The following HECW1 variants were observed in gnomAD, a reference collection of about 807,000 sequenced individuals.
HECW1 encodes the protein HECT, C2 and WW domain containing E3 ubiquitin protein ligase 1, also known as E3 ubiquitin-protein ligase HECW1.
A neutral mutation model predicts 182.3 loss-of-function variants in HECW1; 61 were observed. That is an observed-to-expected ratio of 0.33 (90% CI 0.27 to 0.41). The LOEUF is 0.41. HECW1 is among the 10% of genes least tolerant of loss of function. HECW1 has a pLI of 1.00. For synonymous variants in HECW1, 859 were observed against 832.6 expected (o/e 1.03, Z -0.55); for missense variants, 1,739 against 2,108.9 (o/e 0.82, Z 3.44).
intron 8 of HECW1, among the ~76,000 whole-genome samples, chr7:43,436,672 T>A (rs948019175): frequency 1.3e-5 from 2 of 152,178 alleles, no homozygotes; most frequent in Admixed American, 6.5e-5. Context: ...TTTTGTGATT[T>A]TTCAGTTACT....
intron 3 of HECW1, among the ~76,000 whole-genome samples, chr7:43,308,184 TTATAA>T (rs1419420084): frequency 1.9e-5 from 2 of 104,794 alleles, no homozygotes; most frequent in East Asian, 4.5e-4. Flanking sequence ...TTTTTATATA[TTATAA>T]TATATTTATA....
chr7:43,550,403 G>T, intron 26 of HECW1, 42 bp from the exon 27 acceptor site: 1 of 1,611,396 alleles, frequency 6.2e-7, no homozygotes, highest in Non-Finnish European at 8.5e-7. Context: ...TGAGAGATAA[G>T]CAGAACTGAC....
At chr7:43,513,429 T>C (rs147801516) in intron 24 of HECW1, among the ~76,000 whole-genome samples, 218 of 152,306 alleles carry the variant, frequency 1.4e-3, no homozygotes, top group Middle Eastern at 6.8e-3. Context: ...CCCCTGACAG[T>C]GTGTCCTTCC....
At chr7:43,185,358 T>G (rs974577652) in intron 2 of HECW1, among the ~76,000 whole-genome samples, 4 of 152,234 alleles carry the variant, frequency 2.6e-5, no homozygotes, top group Admixed American at 6.5e-5. Context: ...CACTGAGTTC[T>G]GTAAGCTCCT....
intron 6 of HECW1, among the ~76,000 whole-genome samples, chr7:43,393,762 G>T (rs913146903): frequency 6.6e-6 from 1 of 151,776 alleles, no homozygotes; most frequent in Admixed American, 6.6e-5. Context: ...GCCAGCAGAG[G>T]AGTATTTAAA....
chr7:43,153,400 C>T (rs921838086), intron 2 of HECW1, among the ~76,000 whole-genome samples: 3 of 152,158 alleles, frequency 2.0e-5, no homozygotes, highest in African/African-American at 7.2e-5. Context: ...AGTGTCTCCC[C>T]CTACAAAAAG....
chr7:43,332,168 G>T (rs1811580308), intron 5 of HECW1, among the ~76,000 whole-genome samples: 1 of 152,174 alleles, frequency 6.6e-6, no homozygotes, highest in Non-Finnish European at 1.5e-5. Context: ...CATCTACACA[G>T]ATGTGGTACA....
intron 3 of HECW1, among the ~76,000 whole-genome samples, chr7:43,295,965 C>T (rs17172193): frequency 0.047 from 7,183 of 152,016 alleles, 207 homozygotes; most frequent in African/African-American, 0.075. Context: ...TTTCATTGGC[C>T]CATGGTCATG....
At chr7:43,524,005 C>G (rs2080648136) in intron 24 of HECW1, among the ~76,000 whole-genome samples, 1 of 147,146 alleles carries the variant, frequency 6.8e-6, no homozygotes, top group Non-Finnish European at 1.5e-5. Flanking sequence ...TGTTTTTCAT[C>G]TTAAAAAAAA....
intron 2 of HECW1, among the ~76,000 whole-genome samples, chr7:43,206,863 CT>C (rs1489286187): frequency 3.3e-5 from 5 of 152,174 alleles, no homozygotes; most frequent in Non-Finnish European, 7.3e-5. Context: ...ATGAAAAACT[CT>C]CTCGGTCTTT....
At chr7:43,216,716 G>A (rs892563523) in intron 2 of HECW1, among the ~76,000 whole-genome samples, 12 of 151,570 alleles carry the variant, frequency 7.9e-5, no homozygotes, top group African/African-American at 2.4e-4. Flanking sequence ...GTACAGTGAC[G>A]TGAACTCAGC....
At chr7:43,253,813 C>T (rs1026652564) in intron 3 of HECW1, among the ~76,000 whole-genome samples, 1 of 151,986 alleles carries the variant, frequency 6.6e-6, no homozygotes, top group Non-Finnish European at 1.5e-5. Flanking sequence ...GAAGCTGAGG[C>T]AGAAGAGTCG....
At chr7:43,405,999 C>T (rs116617760) in intron 7 of HECW1, among the ~76,000 whole-genome samples, 64 of 152,308 alleles carry the variant, frequency 4.2e-4, no homozygotes, top group African/African-American at 1.5e-3. Context: ...CCCAGTCTTG[C>T]GCATGCCTCC....
chr7:43,342,069 T>C (rs1168637258), intron 5 of HECW1, among the ~76,000 whole-genome samples: 2 of 151,902 alleles, frequency 1.3e-5, no homozygotes, highest in Non-Finnish European at 2.9e-5. Flanking sequence ...AGGACAAGTA[T>C]GTATAAAAGA....
Position 43,444,952 on chromosome 7 carries a change from T to A in HECW1, c.1780T>A (p.Ser594Thr). 6.3e-7 allele frequency: 1 copy of A among 1,575,762 alleles called. No homozygotes were observed. Among genetic ancestry groups the A allele is most frequent in the Non-Finnish European group, 8.6e-7 (1 of 1,159,656 alleles). Residue 594 changes from serine to threonine, a missense_variant, in exon 11 of 30, where the codon TCC (serine) becomes ACC (threonine). Ser to Thr is a moderately conservative substitution (Grantham distance 58). Around this residue, in one of 5 missense-constraint regions of HECW1, gnomAD observed 971 missense variants for 1,029.1 expected, o/e 0.94. Transcript: ENST00000395891. The surrounding 1 kb of genome is among the most constrained non-coding windows in gnomAD (Gnocchi z 4.3). ...GAEEESTLKD[S>T]SEKDGLSEVD... ...GGAGGAGGAGTCCACCCTCAAGGAC[T>A]CCTCGGAGAAGGATGGGCTCAGCGA...
chr7:43,382,332 A>G (rs1414972633), intron 6 of HECW1, among the ~76,000 whole-genome samples: 1 of 152,034 alleles, frequency 6.6e-6, no homozygotes, highest in African/African-American at 2.4e-5. Context: ...AGGACTGTGG[A>G]AAGTGTGTCT....
intron 24 of HECW1, among the ~76,000 whole-genome samples, chr7:43,536,912 A>G (rs896845859): frequency 2.0e-5 from 3 of 152,224 alleles, no homozygotes; most frequent in Non-Finnish European, 4.4e-5. Flanking sequence ...CAGGCCAGGA[A>G]AAAGCACAGA....
chr7:43,194,266 T>C (rs1326977097), intron 2 of HECW1, among the ~76,000 whole-genome samples: 1 of 152,118 alleles, frequency 6.6e-6, no homozygotes, highest in Admixed American at 6.6e-5. Flanking sequence ...CCATGGTAAT[T>C]TCTGTATTTA....
chr7:43,549,221 T>C (rs2081696734), intron 26 of HECW1, among the ~76,000 whole-genome samples: 1 of 152,168 alleles, frequency 6.6e-6, no homozygotes, highest in Non-Finnish European at 1.5e-5. Flanking sequence ...GGTTGGAAAA[T>C]AAAGTCTTTA....
Sources: gnomAD v4.1 joint callset for allele counts (sites outside exome capture counted in the v4.1 genomes callset) on GRCh38, gnomAD v4.1.1 for gene constraint, gnomAD v4.1.1 regional missense constraint, Gnocchi (gnomAD v3.1) non-coding constraint, MANE v1.5 for transcripts, NCBI Gene and HGNC (gene_info 2026-07-23, HGNC 2026-07-21) for gene names.